WFDC2: variants seen among roughly 807,000 people sequenced by gnomAD.
WFDC2 encodes the protein WAP four-disulfide core domain protein 2.
Under a neutral mutation model 12.5 loss-of-function variants are expected in WFDC2, and 8 were observed. That is an observed-to-expected ratio of 0.64 (90% CI 0.37 to 1.15). The LOEUF (loss-of-function observed/expected upper bound fraction) is 1.15. Ranked by LOEUF, WFDC2 falls within the 50% of genes most tolerant of loss-of-function variation. The pLI is 0.01. For missense variants in WFDC2, 166 were observed against 159.9 expected (o/e 1.04, Z -0.21); for synonymous variants, 74 against 67.2 (o/e 1.10, Z -0.49).
intron 2 of WFDC2, among the ~76,000 whole-genome samples, chr20:45,472,514 A>C (rs1231026775): frequency 1.3e-5 from 2 of 152,130 alleles, no homozygotes; most frequent in African/African-American, 4.8e-5. Flanking sequence ...TATCCAGTCC[A>C]TCACTGATGG....
intron 2 of WFDC2, among the ~76,000 whole-genome samples, chr20:45,474,708 G>A (rs767785970): frequency 7.2e-5 from 11 of 152,168 alleles, no homozygotes; most frequent in Non-Finnish European, 1.0e-4. Context: ...TTAGGGAGGA[G>A]GCTCTCTTTT....
At chr20:45,477,969 A>T (rs756666275) in intron 2 of WFDC2, among the ~76,000 whole-genome samples, 2 of 152,230 alleles carry the variant, frequency 1.3e-5, no homozygotes, top group Non-Finnish European at 2.9e-5. Context: ...GTGAGGGGAA[A>T]ACTGCCTACT....
intron 2 of WFDC2, 75 bp from the exon 3 acceptor site, chr20:45,479,867 G>A: frequency 6.2e-7 from 1 of 1,614,034 alleles, no homozygotes; most frequent in South Asian, 1.1e-5. Context: ...GGCAGTGGGG[G>A]GGCCATGCTG....
chr20:45,475,870 G>A (rs1991226602), intron 2 of WFDC2, among the ~76,000 whole-genome samples: 1 of 152,184 alleles, frequency 6.6e-6, no homozygotes, highest in Admixed American at 6.5e-5. Flanking sequence ...TGTATTAGGT[G>A]CATATATATT....
chr20:45,479,740 C>G, intron 2 of WFDC2: 1 of 1,614,004 alleles, frequency 6.2e-7, no homozygotes, highest in Non-Finnish European at 8.5e-7. Flanking sequence ...TCCTGTGATT[C>G]CATTTGGGAG....
At chr20:45,476,502 A>C (rs982293125) in intron 2 of WFDC2, among the ~76,000 whole-genome samples, 1 of 152,176 alleles carries the variant, frequency 6.6e-6, no homozygotes, top group African/African-American at 2.4e-5. Context: ...ATTGGCCCCC[A>C]CTGTCTTCTG....
At chr20:45,478,861 C>A (rs940565182) in intron 2 of WFDC2, among the ~76,000 whole-genome samples, 1 of 152,220 alleles carries the variant, frequency 6.6e-6, no homozygotes, top group Non-Finnish European at 1.5e-5. Flanking sequence ...CCGCCTGAGC[C>A]TCCCAAAGTG....
intron 1 of WFDC2, 68 bp downstream of exon 1, chr20:45,469,928 C>A: frequency 6.5e-7 from 1 of 1,544,236 alleles, no homozygotes; most frequent in East Asian, 2.4e-5. Flanking sequence ...TGGAGCCAGG[C>A]GGAGGCGTAG....
chr20:45,476,003 A>AT (rs1055545335), intron 2 of WFDC2, among the ~76,000 whole-genome samples: 17 of 150,800 alleles, frequency 1.1e-4, no homozygotes, highest in South Asian at 6.3e-4. Context: ...GCAACCCCTG[A>AT]TTTTTTTTTG....
intron 2 of WFDC2, among the ~76,000 whole-genome samples, chr20:45,474,382 C>A (rs1991207971): frequency 6.6e-6 from 1 of 152,102 alleles, no homozygotes; most frequent in African/African-American, 2.4e-5. Flanking sequence ...AGTGTTTTAG[C>A]ATGAAGGGTG....
chr20:45,471,098 A>G (rs1991166096), intron 2 of WFDC2: 3 of 469,750 alleles, frequency 6.4e-6, no homozygotes, highest in Non-Finnish European at 1.3e-5. Context: ...CCAAGGTCAC[A>G]CCGCCATCCC....
intron 2 of WFDC2, chr20:45,479,462 T>A: frequency 1.8e-6 from 1 of 566,602 alleles, no homozygotes; most frequent in South Asian, 2.5e-5. Context: ...TCTTTTAGGA[T>A]TATTGTGAGA....
chr20:45,470,245 AGAAGGAGTCTCT>A lies in WFDC2; in HGVS notation c.80-142_80-131del. The A allele has an allele frequency of 8.2e-7, 1 of 1,217,774 alleles. No individual in the cohort carries two copies. The allele number at this position is 1,217,774 out of a possible 1,614,324, so 75.4% of individuals were successfully genotyped here. A position where few individuals can be genotyped will look rare whatever the true frequency, so the allele number is the denominator to read the frequency against. On this transcript the variant is annotated intron_variant, in intron 1 of 3. Transcript: ENST00000372676. The surrounding 1 kb of genome is among the most constrained non-coding windows in gnomAD (Gnocchi z 5.4). The stretch of plus-strand genomic sequence containing the variant: ...AGGGGTCAGGGACTCCTGGTCTGGA[AGAAGGAGTCTCT>A]GGGGGCTGTAAGGGGACTCCTAGGG...
intron 3 of WFDC2, among the ~76,000 whole-genome samples, 162 bp from the exon 4 acceptor site, chr20:45,481,209 G>A (rs1991297416): frequency 6.6e-6 from 1 of 152,078 alleles, no homozygotes; most frequent in South Asian, 2.1e-4. Flanking sequence ...TCTAGAACCT[G>A]TAGAAAATGC....
At chr20:45,473,033 G>A (rs930399750) in intron 2 of WFDC2, among the ~76,000 whole-genome samples, 1 of 152,022 alleles carries the variant, frequency 6.6e-6, no homozygotes. Context: ...TTCTAATGGG[G>A]TTTTTTTCTC....
Position 45,481,168 on chromosome 20 carries a change from T to A in WFDC2, c.*2-203T>A, listed in dbSNP as rs111709588. On this transcript the variant is annotated intron_variant, in intron 3 of 3. Transcript: ENST00000372676. ...TCTGACCACAGTATACCCAGGTACC[T>A]GCTAGGGATGGTCTGAAGGAGAAGA... 3.9e-3 allele frequency among the ~76,000 whole-genome samples: 592 copies of A among 151,992 alleles called. 4 individuals are homozygous for A. The highest frequency in any genetic ancestry group is 0.014 in the African/African-American group (567 of 41,452).
At chr20:45,475,649 T>G (rs1200069575) in intron 2 of WFDC2, among the ~76,000 whole-genome samples, 2 of 152,222 alleles carry the variant, frequency 1.3e-5, no homozygotes, top group Non-Finnish European at 2.9e-5. Flanking sequence ...GAATGTATAT[T>G]CTGTTGATTT....
At chr20:45,477,800 G>A (rs1047711938) in intron 2 of WFDC2, among the ~76,000 whole-genome samples, 12 of 151,914 alleles carry the variant, frequency 7.9e-5, no homozygotes, top group African/African-American at 2.9e-4. Context: ...AGGGAGATGG[G>A]AGTTTTACCT....
intron 2 of WFDC2, chr20:45,471,321 CAG>C (rs1491386655): frequency 2.7e-6 from 1 of 375,556 alleles, no homozygotes; most frequent in African/African-American, 2.1e-5. Flanking sequence ...GCTATCAGAA[CAG>C]GGGGTGGCTT....
Sources: allele counts gnomAD v4.1 joint callset (sites outside exome capture counted in the v4.1 genomes callset), GRCh38; gene constraint gnomAD v4.1.1; non-coding constraint Gnocchi (gnomAD v3.1); transcripts MANE v1.5; gene names NCBI Gene and HGNC (gene_info 2026-07-23, HGNC 2026-07-21).